Variants in IGFL4 observed in about 807,000 individuals in gnomAD.
IGFL4 encodes insulin growth factor-like family member 4.
In IGFL4, 12 loss-of-function variants were observed where a neutral mutation model predicts 15.4. The ratio of observed to expected loss-of-function variants is 0.78; its 90% CI spans 0.50 to 1.26. IGFL4 has a LOEUF of 1.26. Among genes scored for constraint, IGFL4 ranks in the 50% most tolerant of loss-of-function variants. IGFL4 has a pLI of 0.00. For missense variants in IGFL4, 126 were observed against 147.8 expected (o/e 0.85, Z 0.76); for synonymous variants, 54 against 55.9 (o/e 0.97, Z 0.16).
chr19:46,045,191 T>G (rs1266860384), upstream of IGFL4, among the ~76,000 whole-genome samples: 1 of 152,132 alleles, frequency 6.6e-6, no homozygotes, highest in Non-Finnish European at 1.5e-5. Flanking sequence ...ACACCTTTAA[T>G]CCCAGCACTT....
chr19:46,076,855 T>C lies in IGFL4; in HGVS notation c.-432+165A>G, dbSNP rs79866154. On this transcript the variant is annotated intron_variant, in intron 1 of 5. Transcript: ENST00000601672. Reference sequence around the variant, plus strand: ...GGCACTTCTACCTATGCGTCTTCCCTGTTCACTGACCTAGCTTCTGTTCTT... The same window carrying C: ...GGCACTTCTACCTATGCGTCTTCCCCGTTCACTGACCTAGCTTCTGTTCTT... 4.7e-3 allele frequency among the ~76,000 whole-genome samples: 721 copies of C among 152,298 alleles called. 6 individuals carry two copies. The highest frequency in any genetic ancestry group is 0.016 in the African/African-American group (679 of 41,572).
intron 2 of IGFL4, among the ~76,000 whole-genome samples, chr19:46,052,188 A>G (rs996194178): frequency 2.6e-5 from 4 of 152,214 alleles, no homozygotes; most frequent in African/African-American, 9.7e-5. Flanking sequence ...TATACATTCT[A>G]TTCAGCACAG....
intron 2 of IGFL4, among the ~76,000 whole-genome samples, chr19:46,056,803 T>G (rs1420520644): frequency 6.6e-6 from 1 of 152,228 alleles, no homozygotes; most frequent in African/African-American, 2.4e-5. Flanking sequence ...CATTACGTCA[T>G]TTCTCAACTT....
upstream of IGFL4, among the ~76,000 whole-genome samples, chr19:46,044,219 AT>A: frequency 6.6e-6 from 1 of 152,214 alleles, no homozygotes; most frequent in East Asian, 1.9e-4. Context: ...ACGCCCAGAG[AT>A]TTGGGTCCAA....
chr19:46,071,062 G>A (rs1303732023), intron 1 of IGFL4, among the ~76,000 whole-genome samples: 1 of 152,028 alleles, frequency 6.6e-6, no homozygotes, highest in East Asian at 1.9e-4. Context: ...ATCCCAAGAT[G>A]GCGTTTGTTT....
At chr19:46,072,393 A>G (rs1969555143) in intron 1 of IGFL4, among the ~76,000 whole-genome samples, 1 of 152,178 alleles carries the variant, frequency 6.6e-6, no homozygotes, top group Non-Finnish European at 1.5e-5. Flanking sequence ...GGGTCCACCA[A>G]AGTTCCTGGA....
chr19:46,039,375 G>T lies in IGFL4; in HGVS notation c.*517C>A, dbSNP rs1322887514. ...GCTTAGGATTGACTTGGCGATGAGG[G>T]CTCTTTTTTGGTTCCATATGAACTT... is the stretch of plus-strand genomic sequence containing the variant. On this transcript the variant is annotated 3_prime_UTR_variant, in exon 4 of 4. Coordinates refer to ENST00000377697, the MANE Select transcript of IGFL4 (RefSeq NM_001002923.3). Among the ~76,000 whole-genome samples the T allele has an allele frequency of 1.4e-5, 2 of 146,220 alleles. No individual in the cohort carries two copies. Among genetic ancestry groups the T allele is most frequent in the African/African-American group, 5.1e-5 (2 of 39,520 alleles).
At chr19:46,059,352 T>G (rs1969423332) in intron 2 of IGFL4, 3 of 152,190 alleles carry the variant, frequency 2.0e-5, no homozygotes, top group Non-Finnish European at 4.4e-5. Context: ...AGATCCATAT[T>G]CTGTAACTTC....
intron 1 of IGFL4, among the ~76,000 whole-genome samples, chr19:46,063,703 A>G (rs1969468208): frequency 6.6e-6 from 1 of 152,232 alleles, no homozygotes; most frequent in African/African-American, 2.4e-5. Flanking sequence ...ACCAAATTCA[A>G]TTAAATAAGA....
At chr19:46,042,958 A>T (rs1007471938), upstream of IGFL4, among the ~76,000 whole-genome samples, 2 of 152,196 alleles carry the variant, frequency 1.3e-5, no homozygotes, top group Admixed American at 1.3e-4. Flanking sequence ...GTGTTCTGCC[A>T]TGACATACAT....
At chr19:46,057,855 C>G (rs1191481466) in intron 2 of IGFL4, 1 of 152,130 alleles carries the variant, frequency 6.6e-6, no homozygotes, top group Non-Finnish European at 1.5e-5. Flanking sequence ...TTATTCACTA[C>G]CATGAGAACA....
intron 1 of IGFL4, among the ~76,000 whole-genome samples, chr19:46,070,865 A>C (rs1164283538): frequency 6.6e-6 from 1 of 152,102 alleles, no homozygotes; most frequent in African/African-American, 2.4e-5. Flanking sequence ...AAGTGTTTTG[A>C]AGGGTTTTTC....
intron 1 of IGFL4, among the ~76,000 whole-genome samples, chr19:46,075,480 G>C (rs1969586869): frequency 6.6e-6 from 1 of 152,126 alleles, no homozygotes; most frequent in South Asian, 2.1e-4. Flanking sequence ...GGGTCTGAAG[G>C]GCACTGGTAA....
intron 1 of IGFL4, among the ~76,000 whole-genome samples, chr19:46,073,357 T>G (rs1969564259): frequency 6.6e-6 from 1 of 151,728 alleles, no homozygotes; most frequent in South Asian, 2.1e-4. Flanking sequence ...GCAATTAGAG[T>G]TCCTTCTTTC....
chr19:46,049,087 T>C (rs1969322848), intron 2 of IGFL4, among the ~76,000 whole-genome samples: 2 of 152,150 alleles, frequency 1.3e-5, no homozygotes, highest in Non-Finnish European at 2.9e-5. Flanking sequence ...GGTTGATCAA[T>C]GCCTCCTGGT....
rs1969214674 is a variant in IGFL4, at chr19:46,039,567, T to C, written c.*325A>G. On this transcript the variant is annotated 3_prime_UTR_variant, in exon 4 of 4. Coordinates refer to ENST00000377697, the MANE Select transcript of IGFL4 (RefSeq NM_001002923.3). ...TTTGTTTGTATCCTCTTTTATTTCC[T>C]TGAGCAGTGGTTTGTAGTTCTCCTT... Among the ~76,000 whole-genome samples the C allele has an allele frequency of 7.0e-6, 1 of 142,856 alleles. No individual in the cohort carries two copies. The highest frequency in any genetic ancestry group is 7.1e-5 in the Admixed American group (1 of 14,004). 93.7% of individuals were successfully genotyped at this position (142,856 alleles called of 152,430 possible). A position where few individuals can be genotyped will look rare whatever the true frequency, so the allele number is the denominator to read the frequency against.
intron 1 of IGFL4, among the ~76,000 whole-genome samples, chr19:46,065,066 C>T (rs929689221): frequency 6.6e-6 from 1 of 152,132 alleles, no homozygotes; most frequent in Non-Finnish European, 1.5e-5. Flanking sequence ...TTTTCATATG[C>T]CTGTTTGCCA....
In IGFL4 at chr19:46,063,291, C is replaced by A. The variant is rs146103225; in HGVS notation, c.-431-2998G>T. Among the ~76,000 whole-genome samples the A allele has an allele frequency of 1.1e-3, 165 of 151,780 alleles. 2 individuals are homozygous for A. Among genetic ancestry groups the A allele is most frequent in the African/African-American group, 3.9e-3 (161 of 41,302 alleles). On this transcript the variant is annotated intron_variant, in intron 1 of 5. Transcript: ENST00000601672. ...TGCCCTCCAGAGCTATCACCAAAGC[C>A]TCCCTTTTCTCTATTCAAAAGAACA...
In IGFL4 at chr19:46,064,618, C is replaced by T. The variant is rs180940378; in HGVS notation, c.-431-4325G>A. Among the ~76,000 whole-genome samples the T allele has an allele frequency of 4.5e-4, 69 of 152,244 alleles. 1 individual carries two copies. Among genetic ancestry groups the T allele is most frequent in the Admixed American group, 4.1e-3 (62 of 15,298 alleles). ...TGGCTTATTTCACTTGGTATGACCG[C>T]CAGTTCTATCCATGTTGTTGCAAAT... is the stretch of plus-strand genomic sequence containing the variant. On this transcript the variant is annotated intron_variant, in intron 1 of 5. Coordinates refer to the IGFL4 transcript ENST00000601672.
Sources: gnomAD v4.1 joint callset for allele counts (sites outside exome capture counted in the v4.1 genomes callset) on GRCh38, gnomAD v4.1.1 for gene constraint, MANE v1.5 for transcripts, NCBI Gene and HGNC (gene_info 2026-07-23, HGNC 2026-07-21) for gene names.